Variants in BRWD1 observed in about 807,000 individuals in gnomAD.
BRWD1 encodes bromodomain and WD repeat-containing protein 1.
BRWD1 carries 82 observed loss-of-function variants against 251.2 expected under a neutral mutation model. The ratio of observed to expected loss-of-function variants is 0.33; its 90% confidence interval spans 0.27 to 0.39. The LOEUF (loss-of-function observed/expected upper bound fraction) is 0.39. Ranked by LOEUF, BRWD1 falls within the 10% of genes least tolerant of loss-of-function variation. The pLI, the probability that BRWD1 is intolerant of heterozygous loss-of-function variation, is 1.00. For missense variants in BRWD1, 2,233 were observed against 2,711.6 expected, an observed-to-expected ratio of 0.82 and a Z score of 3.92; for synonymous variants, 918 against 902.8, an observed-to-expected ratio of 1.02 and a Z score of -0.30.
intron 4 of BRWD1, 28 bp from the exon 5 acceptor site, chr21:39,298,610 A>G: frequency 6.5e-7 from 1 of 1,541,934 alleles, no homozygotes; most frequent in Non-Finnish European, 8.7e-7. Flanking sequence ...TTTAATGACA[A>G]CAGCTTAATA....
At chr21:39,244,986 T>A (rs968181554) in intron 21 of BRWD1, among the ~76,000 whole-genome samples, 4 of 131,834 alleles carry the variant, frequency 3.0e-5, no homozygotes, top group Non-Finnish European at 6.6e-5. Flanking sequence ...AGCATAAAAA[T>A]GACAGATAAT....
chr21:39,301,450 T>C (rs553938828), intron 4 of BRWD1, among the ~76,000 whole-genome samples: 1 of 150,332 alleles, frequency 6.7e-6, no homozygotes, highest in South Asian at 2.1e-4. Flanking sequence ...GAACTGAGAG[T>C]GGCCAATAGT....
chr21:39,297,935 G>C (rs1371321537), intron 5 of BRWD1: 2 of 984,894 alleles, frequency 2.0e-6, no homozygotes, highest in Non-Finnish European at 2.4e-6. Context: ...CACATAACTT[G>C]GCAAAAAAAT....
At chr21:39,218,362 A>T (rs1345324550) in intron 30 of BRWD1, 90 bp from the exon 31 acceptor site, 23 of 1,480,774 alleles carry the variant, frequency 1.6e-5, no homozygotes, top group Non-Finnish European at 1.8e-5. Context: ...ATATGGCTAC[A>T]TTTAACATTA....
chr21:39,274,923 G>A (rs762035899), intron 12 of BRWD1, among the ~76,000 whole-genome samples: 5 of 151,344 alleles, frequency 3.3e-5, no homozygotes, highest in South Asian at 2.1e-4. Flanking sequence ...GCCTGTAATC[G>A]CAGCTACTCA....
intron 29 of BRWD1, among the ~76,000 whole-genome samples, chr21:39,220,310 C>T (rs911724328): frequency 2.6e-5 from 4 of 152,308 alleles, no homozygotes; most frequent in Non-Finnish European, 1.5e-5. Context: ...AAAAGGCCAG[C>T]ACCCACGCCT....
chr21:39,222,636 A>G (rs1234197816), intron 29 of BRWD1, among the ~76,000 whole-genome samples: 1 of 152,236 alleles, frequency 6.6e-6, no homozygotes, highest in Non-Finnish European at 1.5e-5. Context: ...AGTACATACT[A>G]ATATAAATAA....
intron 17 of BRWD1, among the ~76,000 whole-genome samples, chr21:39,264,073 A>T (rs2034840996): frequency 6.6e-6 from 1 of 152,212 alleles, no homozygotes; most frequent in Non-Finnish European, 1.5e-5. Context: ...AAATTAAGGA[A>T]CTATGACAAC....
At chr21:39,314,072 T>C, upstream of BRWD1, 1 of 455,904 alleles carries the variant, frequency 2.2e-6, no homozygotes, top group Non-Finnish European at 4.4e-6. Context: ...TCCGGGTCGC[T>C]CGGAAGGGTC....
chr21:39,314,009 C>T, upstream of BRWD1: 1 of 452,762 alleles, frequency 2.2e-6, no homozygotes, highest in Non-Finnish European at 4.4e-6. Context: ...GACCTGGGTC[C>T]TCTACGCGGG....
At chr21:39,209,823 G>A in intron 36 of BRWD1, 172 bp downstream of exon 36, 2 of 591,346 alleles carry the variant, frequency 3.4e-6, no homozygotes, top group Non-Finnish European at 5.3e-6. Context: ...GAAGCTATAT[G>A]AGCAGTAGCA....
intron 40 of BRWD1, 139 bp downstream of exon 40, chr21:39,198,624 C>G: frequency 1.5e-6 from 1 of 663,480 alleles, no homozygotes; most frequent in Admixed American, 3.1e-5. Context: ...AAGGCTAACA[C>G]AGAATGCATG....
At chr21:39,254,867 G>A (rs2034509784) in intron 19 of BRWD1, among the ~76,000 whole-genome samples, 1 of 152,120 alleles carries the variant, frequency 6.6e-6, no homozygotes, top group Non-Finnish European at 1.5e-5. Flanking sequence ...AAGCAGTCTT[G>A]CAAAAAACTG....
intron 23 of BRWD1, among the ~76,000 whole-genome samples, chr21:39,233,369 T>C (rs967102774): frequency 2.6e-5 from 4 of 152,116 alleles, no homozygotes; most frequent in Non-Finnish European, 5.9e-5. Context: ...AATTTTAGGG[T>C]GGTTTGTTAT....
Position 39,312,974 on chromosome 21 carries a change from CGGGCGG to C in BRWD1, c.139-80_139-75del, listed in dbSNP as rs1265654689. The C allele has an allele frequency of 6.7e-4, 275 of 409,998 alleles. 20 individuals are homozygous for C. In the East Asian group the frequency reaches 0.014, roughly 21 times the overall value. The allele number at this position is 409,998 out of a possible 1,614,324, so 25.4% of individuals were successfully genotyped here. A position where few individuals can be genotyped will look rare whatever the true frequency, so the allele number is the denominator to read the frequency against. On this transcript the variant is annotated intron_variant, in intron 3 of 40. Coordinates refer to ENST00000342449, the MANE Select transcript of BRWD1 (RefSeq NM_033656.4). ...GGGGCGGGGGGCGGGGGGCCGGGGGCGGGCGGCGGGCGGCGGGCGGGGGGCGCGGGC... is the reference window on the plus strand; with the variant it reads ...GGGGCGGGGGGCGGGGGGCCGGGGGCCGGGCGGCGGGCGGGGGGCGCGGGC...
At chr21:39,230,777 A>T (rs779488941) in intron 25 of BRWD1, among the ~76,000 whole-genome samples, 7 of 152,098 alleles carry the variant, frequency 4.6e-5, no homozygotes, top group Non-Finnish European at 1.0e-4. Context: ...ATAGACCATG[A>T]AAAGGACACT....
chr21:39,278,300 T>G (rs1257699152), intron 10 of BRWD1, among the ~76,000 whole-genome samples: 1 of 152,204 alleles, frequency 6.6e-6, no homozygotes, highest in Non-Finnish European at 1.5e-5. Context: ...GAGGGAAAAG[T>G]CTTTGACCTA....
intron 4 of BRWD1, among the ~76,000 whole-genome samples, chr21:39,303,836 A>C (rs948141419): frequency 6.6e-6 from 1 of 151,612 alleles, no homozygotes; most frequent in Admixed American, 6.6e-5. Context: ...AAAAAAAAGA[A>C]AAAGAAAAGA....
chr21:39,206,843 A>G (rs1413475533), intron 36 of BRWD1, among the ~76,000 whole-genome samples: 1 of 152,234 alleles, frequency 6.6e-6, no homozygotes, highest in Non-Finnish European at 1.5e-5. Flanking sequence ...AATAACATCA[A>G]ATCTTAAATA....
Sources: allele counts gnomAD v4.1 joint callset (sites outside exome capture counted in the v4.1 genomes callset), GRCh38; gene constraint gnomAD v4.1.1; transcripts MANE v1.5; gene names NCBI Gene and HGNC (gene_info 2026-07-23, HGNC 2026-07-21).